KIF5C: variants seen among roughly 807,000 people sequenced by gnomAD.
KIF5C encodes the protein kinesin heavy chain isoform 5C.
In KIF5C, 18 loss-of-function variants were observed where a neutral mutation model predicts 125.2. The ratio of observed to expected loss-of-function variants is 0.14; its 90% CI spans 0.10 to 0.21. KIF5C has a LOEUF of 0.21. Among genes scored for constraint, KIF5C ranks in the 10% least tolerant of loss-of-function variants. The probability of loss-of-function intolerance (pLI) is 1.00; values close to 1 mark genes in which losing one functional copy is unlikely to be tolerated. For missense variants in KIF5C, 780 were observed against 1,183.8 expected, an observed-to-expected ratio of 0.66 and a Z score of 5.01; for synonymous variants, 405 against 434.0, an observed-to-expected ratio of 0.93 and a Z score of 0.83.
intron 21 of KIF5C, 122 bp from the exon 22 acceptor site, chr2:149,005,271 A>C: frequency 2.8e-6 from 4 of 1,448,640 alleles, no homozygotes; most frequent in Non-Finnish European, 3.7e-6. Flanking sequence ...GTCACAGGGA[A>C]GGGGGTGCAC....
intron 1 of KIF5C, among the ~76,000 whole-genome samples, chr2:148,880,993 G>C (rs1200245046): frequency 3.3e-5 from 5 of 151,076 alleles, no homozygotes; most frequent in Admixed American, 3.3e-4. Flanking sequence ...GCTTTCCTGG[G>C]CATGAGTTTT....
chr2:148,983,923 C>A (rs1281547696), intron 15 of KIF5C, among the ~76,000 whole-genome samples, 157 bp downstream of exon 15: 2 of 152,192 alleles, frequency 1.3e-5, no homozygotes, highest in East Asian at 3.8e-4. Flanking sequence ...AATTGAATGA[C>A]TGAGTGAATT....
At chr2:148,989,983 A>G (rs1433084365) in intron 15 of KIF5C, among the ~76,000 whole-genome samples, 1 of 152,230 alleles carries the variant, frequency 6.6e-6, no homozygotes, top group Non-Finnish European at 1.5e-5. Context: ...ACTGTGGAAC[A>G]TCAAAAAACC....
chr2:148,900,104 C>G (rs554441344), intron 1 of KIF5C, among the ~76,000 whole-genome samples: 2 of 152,100 alleles, frequency 1.3e-5, no homozygotes, highest in African/African-American at 4.8e-5. Context: ...TCTTGGAAAG[C>G]TATTTTGCTG....
At chr2:148,891,820 C>T (rs1266245806) in intron 1 of KIF5C, among the ~76,000 whole-genome samples, 1 of 152,118 alleles carries the variant, frequency 6.6e-6, no homozygotes, top group Non-Finnish European at 1.5e-5. Context: ...GCCTCAGCCT[C>T]CGAAGTAGCT....
At chr2:149,005,520 A>G in intron 22 of KIF5C, 56 bp downstream of exon 22, 2 of 1,593,758 alleles carry the variant, frequency 1.3e-6, no homozygotes, top group Non-Finnish European at 1.7e-6. Context: ...GGCAGGGAAG[A>G]ATCATTTTCA....
chr2:148,976,274 TTTA>T lies in KIF5C; in HGVS notation c.1294-2645_1294-2643del, dbSNP rs753223763. Among the ~76,000 whole-genome samples the T allele has an allele frequency of 1.5e-3, 221 of 151,070 alleles. 1 individual carries two copies. Among genetic ancestry groups the T allele is most frequent in the Non-Finnish European group, 2.5e-3 (168 of 67,790 alleles). ...ATTTATTTATTTATTTATTTATTTA[TTTA>T]TTTATTTTTTGAGATGGAGTCTCGC... On this transcript the variant is annotated intron_variant, in intron 12 of 25. Transcript: ENST00000435030.
intron 25 of KIF5C, among the ~76,000 whole-genome samples, chr2:149,012,460 C>G (rs917454181): frequency 6.6e-5 from 10 of 152,322 alleles, no homozygotes; most frequent in African/African-American, 2.4e-4. Flanking sequence ...GGACTCTAAG[C>G]CCTTGCTAGG....
At chr2:148,939,180 C>A (rs1262977442) in intron 4 of KIF5C, among the ~76,000 whole-genome samples, 7 of 151,666 alleles carry the variant, frequency 4.6e-5, no homozygotes, top group Non-Finnish European at 1.0e-4. Flanking sequence ...GACCCTAGGT[C>A]TGACCAACCG....
chr2:148,977,820 T>C (rs1285331886), intron 12 of KIF5C, among the ~76,000 whole-genome samples: 1 of 152,236 alleles, frequency 6.6e-6, no homozygotes, highest in Non-Finnish European at 1.5e-5. Context: ...TATGCATAGA[T>C]ATCACCAAAC....
chr2:148,960,010 T>C (rs1185924799), intron 10 of KIF5C, among the ~76,000 whole-genome samples: 1 of 152,214 alleles, frequency 6.6e-6, no homozygotes, highest in East Asian at 1.9e-4. Flanking sequence ...TTAACCCTTG[T>C]TATTTCCCAA....
At position 148,950,064 on chromosome 2, in the gene KIF5C, G is replaced by C. The variant is rs969209485; in HGVS notation, c.819+121G>C. On this transcript the variant is annotated intron_variant, in intron 9 of 25. Coordinates refer to ENST00000435030, the MANE Select transcript of KIF5C (RefSeq NM_004522.3). ...GTTTTTCTGTTTGGAAGAGGACAGAGGGAATCCTGGCTATGGATGCCTGCT... is the reference window on the plus strand; with the variant it reads ...GTTTTTCTGTTTGGAAGAGGACAGACGGAATCCTGGCTATGGATGCCTGCT... The C allele has an allele frequency of 2.1e-6, 3 of 1,427,082 alleles. No individual in the cohort carries two copies. In the African/African-American group the frequency reaches 4.3e-5, roughly 21 times the overall value. 88.4% of individuals were successfully genotyped at this position (1,427,082 alleles called of 1,614,324 possible). A position where few individuals can be genotyped will look rare whatever the true frequency, so the allele number is the denominator to read the frequency against.
chr2:148,966,357 C>T (rs184524889), intron 11 of KIF5C, among the ~76,000 whole-genome samples: 15 of 147,416 alleles, frequency 1.0e-4, no homozygotes, highest in East Asian at 3.9e-4. Flanking sequence ...TGTGTGTGCG[C>T]GCGCGCACAC....
At chr2:149,003,402 G>T (rs1023312497) in intron 21 of KIF5C, among the ~76,000 whole-genome samples, 12 of 152,248 alleles carry the variant, frequency 7.9e-5, no homozygotes, top group Non-Finnish European at 1.6e-4. Context: ...CCCTGGCCCC[G>T]GGCAGCTGAC....
Position 148,942,826 on chromosome 2 carries a change from G to C in KIF5C, c.589+66G>C, listed in dbSNP as rs138497089. ...GACAGATATCTGCCCACCAACCGAGGGGGGTGGGGAATTAGGTACAAATGA... is the reference window on the plus strand; with the variant it reads ...GACAGATATCTGCCCACCAACCGAGCGGGGTGGGGAATTAGGTACAAATGA... On this transcript the variant is annotated intron_variant, in intron 7 of 25. Transcript: ENST00000435030. The C allele has an allele frequency of 4.5e-6, 7 of 1,562,600 alleles. No homozygotes were observed. In the South Asian group the frequency reaches 5.9e-5, roughly 13 times the overall value.
chr2:148,900,943 C>G lies in KIF5C; in HGVS notation c.127-21194C>G, dbSNP rs1013532306. Among the ~76,000 whole-genome samples the G allele has an allele frequency of 5.9e-5, 9 of 152,192 alleles. 1 individual carries two copies. Among genetic ancestry groups the G allele is most frequent in the Admixed American group, 2.6e-4 (4 of 15,290 alleles). ...TAGCTCATGAACATTCGTTGCTGCTCTCTGACAGGAACAGAAATCTTAATA... is the reference window on the plus strand; with the variant it reads ...TAGCTCATGAACATTCGTTGCTGCTGTCTGACAGGAACAGAAATCTTAATA... On this transcript the variant is annotated intron_variant, in intron 1 of 25. Transcript: ENST00000435030.
chr2:148,902,151 G>T (rs79684180), intron 1 of KIF5C, among the ~76,000 whole-genome samples: 27,332 of 151,896 alleles, frequency 0.18, 4,071 homozygotes, highest in African/African-American at 0.41. Context: ...AATGCCCCCT[G>T]TCTGTGCAGT....
chr2:148,975,616 A>G (rs1439143840), intron 12 of KIF5C, among the ~76,000 whole-genome samples: 2 of 152,190 alleles, frequency 1.3e-5, no homozygotes, highest in Non-Finnish European at 2.9e-5. Flanking sequence ...GAGAAAGACC[A>G]CACGGTTTCC....
In KIF5C at chr2:148,991,063, C is replaced by T. The variant is rs1317962533; in HGVS notation, c.1770C>T (p.Tyr590=). The T allele has an allele frequency of 3.1e-6, 5 of 1,613,716 alleles. No homozygotes were observed. In the African/African-American group the frequency reaches 4.0e-5, roughly 13 times the overall value. Residue 590 remains tyrosine (Y), a synonymous_variant, in exon 16 of 26, where the codon TAC becomes TAT. Transcript: ENST00000435030. The part of the protein sequence containing the change: ...IEEEFTMARL[Y]ISKMKSEVKS... ...AGGAGTTTACCATGGCCCGCCTGTACATCAGCAAGATGAAGTCAGAGGTCA... is the reference window on the plus strand; with the variant it reads ...AGGAGTTTACCATGGCCCGCCTGTATATCAGCAAGATGAAGTCAGAGGTCA...
Sources: allele counts gnomAD v4.1 joint callset (sites outside exome capture counted in the v4.1 genomes callset), GRCh38; gene constraint gnomAD v4.1.1; transcripts MANE v1.5; gene names NCBI Gene and HGNC (gene_info 2026-07-23, HGNC 2026-07-21).